Variants in TAFA1 observed in about 807,000 individuals in gnomAD.
TAFA1 encodes the protein TAFA chemokine like family member 1, also known as chemokine-like protein TAFA-1.
TAFA1 carries 4 observed loss-of-function variants against 18.5 expected under a neutral mutation model. The ratio of observed to expected loss-of-function variants is 0.22; its 90% CI spans 0.11 to 0.49. The LOEUF is 0.49. Ranked by LOEUF, TAFA1 falls within the 20% of genes least tolerant of loss-of-function variation. The pLI, the probability that TAFA1 is intolerant of heterozygous loss-of-function variation, is 0.98. For synonymous variants in TAFA1, 56 were observed against 55.2 expected (o/e 1.01, Z -0.06); for missense variants, 147 against 169.0 (o/e 0.87, Z 0.72).
chr3:67,998,053 A>T, the TAFA1 span, among the ~76,000 whole-genome samples: 1 of 151,968 alleles, frequency 6.6e-6, no homozygotes, highest in Non-Finnish European at 1.5e-5. Context: ...AAACAAAAAA[A>T]ATTAAACAAA....
chr3:68,104,387 T>C (rs1255902655), intron 2 of TAFA1, among the ~76,000 whole-genome samples: 3 of 152,042 alleles, frequency 2.0e-5, no homozygotes, highest in Non-Finnish European at 4.4e-5. Context: ...TTGTAAAATA[T>C]ATTAACAGAA....
At chr3:68,361,824 T>A (rs1037232417) in intron 2 of TAFA1, among the ~76,000 whole-genome samples, 1 of 152,116 alleles carries the variant, frequency 6.6e-6, no homozygotes, top group Non-Finnish European at 1.5e-5. Context: ...GTGAGATTTA[T>A]CTTATGCCCA....
chr3:68,074,927 A>G (rs2064806021), intron 2 of TAFA1, among the ~76,000 whole-genome samples: 1 of 152,212 alleles, frequency 6.6e-6, no homozygotes, highest in South Asian at 2.1e-4. Context: ...TGTTGCAACA[A>G]GATGTTTCTG....
chr3:68,286,574 TGAGAG>T (rs1478683619), intron 2 of TAFA1, among the ~76,000 whole-genome samples: 1 of 151,908 alleles, frequency 6.6e-6, no homozygotes, highest in Non-Finnish European at 1.5e-5. Context: ...AAGGAAGAAT[TGAGAG>T]GAGGAAAAAC....
At chr3:68,062,763 G>C (rs1278398448) in intron 2 of TAFA1, among the ~76,000 whole-genome samples, 1 of 152,188 alleles carries the variant, frequency 6.6e-6, no homozygotes, top group African/African-American at 2.4e-5. Flanking sequence ...ATTTGGATGT[G>C]GCTTGGTTAA....
chr3:68,119,567 A>G (rs369419463), intron 2 of TAFA1, among the ~76,000 whole-genome samples: 2 of 129,736 alleles, frequency 1.5e-5, no homozygotes, highest in African/African-American at 5.5e-5. Context: ...TAAGTGTCCA[A>G]CTTCGTTTTT....
At chr3:68,332,682 C>G (rs998241234) in intron 2 of TAFA1, among the ~76,000 whole-genome samples, 1 of 152,188 alleles carries the variant, frequency 6.6e-6, no homozygotes, top group African/African-American at 2.4e-5. Flanking sequence ...CTCAACATCA[C>G]TCATCATGGA....
At position 68,380,381 on chromosome 3, in the gene TAFA1, C is replaced by A. The variant is rs549741824; in HGVS notation, c.119-36899C>A. ...ATGGTTGAACTAGTTTACAGTCCCA[C>A]CAACAGTGTAAAAGTGTTCCTATTT... is the stretch of plus-strand genomic sequence containing the variant. On this transcript the variant is annotated intron_variant, in intron 2 of 4. Coordinates refer to ENST00000478136, the MANE Select transcript of TAFA1 (RefSeq NM_213609.4). Among the ~76,000 whole-genome samples, 8 of 152,276 alleles carry A rather than the reference C, an allele frequency of 5.3e-5. No homozygotes were observed. In the South Asian group the frequency reaches 8.3e-4, roughly 16 times the overall value.
Position 68,006,700 on chromosome 3 carries a change from G to T in TAFA1, c.74G>T (p.Gly25Val), listed in dbSNP as rs1295962544. 9 of 1,613,902 alleles carry T rather than the reference G, an allele frequency of 5.6e-6. No homozygotes were observed. The highest frequency in any genetic ancestry group is 6.8e-6 in the Non-Finnish European group (8 of 1,179,892). The change falls in exon 2 of 5, where the codon GGA becomes GTA. Residue 25 changes from glycine (G) to valine (V), a missense_variant. Gly to Val is a moderately radical substitution (Grantham distance 109). Transcript: ENST00000478136. ...ISACAMLLCH[G>V]SLQHTFQQHH... ...GCTTGTGCAATGCTACTCTGCCATG[G>T]ATCCCTTCAGCACACTTTCCAGCAG...
intron 1 of TAFA1, among the ~76,000 whole-genome samples, chr3:68,005,390 T>A (rs565511781): frequency 1.3e-5 from 2 of 152,340 alleles, no homozygotes; most frequent in South Asian, 4.1e-4. Flanking sequence ...TGCACTTAAT[T>A]ATAGTTGTCA....
intron 3 of TAFA1, among the ~76,000 whole-genome samples, chr3:68,480,941 C>T (rs183199542): frequency 1.2e-3 from 183 of 152,202 alleles, no homozygotes; most frequent in African/African-American, 4.2e-3. Flanking sequence ...TTATAAGGGG[C>T]AACCCGTTTT....
intron 2 of TAFA1, among the ~76,000 whole-genome samples, chr3:68,117,940 A>G (rs1253586413): frequency 6.6e-6 from 1 of 152,144 alleles, no homozygotes; most frequent in Non-Finnish European, 1.5e-5. Flanking sequence ...GACCAATCTC[A>G]TGAGCTTTTC....
chr3:68,387,856 G>T (rs572306051), intron 2 of TAFA1, among the ~76,000 whole-genome samples: 198 of 152,150 alleles, frequency 1.3e-3, no homozygotes, highest in Non-Finnish European at 2.6e-3. Flanking sequence ...TTTATAATAT[G>T]CATTTCATTC....
Position 68,006,694 on chromosome 3 carries a change from G to T in TAFA1, c.68G>T (p.Cys23Phe). The T allele has an allele frequency of 6.2e-7, 1 of 1,614,026 alleles. No homozygotes were observed. The highest frequency in any genetic ancestry group is 8.5e-7 in the Non-Finnish European group (1 of 1,179,896). ...LWISACAMLL[C>F]HGSLQHTFQQ... ...ATAAGTGCTTGTGCAATGCTACTCT[G>T]CCATGGATCCCTTCAGCACACTTTC... Residue 23 changes from cysteine (C) to phenylalanine (F), a missense_variant, in exon 2 of 5, where the codon TGC (cysteine) becomes TTC (phenylalanine). Cys to Phe is a radical substitution (Grantham distance 205). Coordinates refer to ENST00000478136, the MANE Select transcript of TAFA1 (RefSeq NM_213609.4).
intron 2 of TAFA1, among the ~76,000 whole-genome samples, chr3:68,282,717 T>G (rs2067921256): frequency 1.3e-5 from 2 of 152,110 alleles, no homozygotes; most frequent in African/African-American, 4.8e-5. Flanking sequence ...AAGAGGGAAA[T>G]TGCTGGCTTT....
At chr3:68,513,069 T>G (rs1189163247) in intron 3 of TAFA1, among the ~76,000 whole-genome samples, 1 of 152,142 alleles carries the variant, frequency 6.6e-6, no homozygotes, top group Non-Finnish European at 1.5e-5. Flanking sequence ...TGTGATTATC[T>G]GGAGTTCTCA....
At chr3:68,532,368 G>A (rs1049835281) in intron 3 of TAFA1, among the ~76,000 whole-genome samples, 1 of 152,138 alleles carries the variant, frequency 6.6e-6, no homozygotes, top group Admixed American at 6.5e-5. Flanking sequence ...AGAATAAATG[G>A]TAGCCTGTGG....
At chr3:68,452,555 A>T (rs2071583428) in intron 3 of TAFA1, among the ~76,000 whole-genome samples, 1 of 151,856 alleles carries the variant, frequency 6.6e-6, no homozygotes, top group Non-Finnish European at 1.5e-5. Flanking sequence ...GCAAACAAAA[A>T]ACCTGGTAAG....
At chr3:68,006,374 T>C in intron 1 of TAFA1, 1 of 456,584 alleles carries the variant, frequency 2.2e-6, no homozygotes, top group Non-Finnish European at 4.0e-6. Flanking sequence ...GCCTAAAACT[T>C]TATTTTTGCA....
Sources: gnomAD v4.1 joint callset for allele counts (sites outside exome capture counted in the v4.1 genomes callset) on GRCh38, gnomAD v4.1.1 for gene constraint, MANE v1.5 for transcripts, NCBI Gene and HGNC (gene_info 2026-07-23, HGNC 2026-07-21) for gene names.